Variants in NNT observed in about 807,000 individuals in gnomAD.
NNT encodes nicotinamide nucleotide transhydrogenase, also known as NAD(P) transhydrogenase, mitochondrial.
NNT carries 50 observed loss-of-function variants against 104.8 expected under a neutral mutation model. That is an observed-to-expected ratio of 0.48 (90% CI 0.38 to 0.60). The LOEUF (loss-of-function observed/expected upper bound fraction) is 0.60, where lower values mean the gene tolerates loss of function less well. Among genes scored for constraint, NNT ranks in the 20% least tolerant of loss-of-function variants. The pLI is 0.00. For missense variants in NNT, 1,131 were observed against 1,330.7 expected (o/e 0.85, Z 2.33); for synonymous variants, 461 against 490.4 (o/e 0.94, Z 0.79).
intron 5 of NNT, among the ~76,000 whole-genome samples, chr5:43,622,140 T>C (rs190080841): frequency 1.6e-4 from 25 of 152,340 alleles, no homozygotes; most frequent in Admixed American, 1.6e-3. Context: ...CCTGGGACGA[T>C]GGCGGCACCA....
chr5:43,638,717 A>G (rs1751068256), intron 7 of NNT, among the ~76,000 whole-genome samples: 1 of 149,162 alleles, frequency 6.7e-6, no homozygotes, highest in African/African-American at 2.5e-5. Context: ...TCAGGAAGTT[A>G]GGAATTTCCC....
intron 19 of NNT, among the ~76,000 whole-genome samples, chr5:43,685,803 G>A (rs777351157): frequency 2.0e-5 from 3 of 152,066 alleles, no homozygotes; most frequent in Non-Finnish European, 2.9e-5. Flanking sequence ...ACTCTGGTAG[G>A]ACATATTGTC....
chr5:43,650,689 T>TACGG (rs1270368797), intron 12 of NNT, 102 bp downstream of exon 12: 79 of 817,470 alleles, frequency 9.7e-5, no homozygotes, highest in Non-Finnish European at 1.5e-4. Flanking sequence ...CAAAAAATGT[T>TACGG]TCACTCTGAC....
chr5:43,671,457 G>A (rs1187089354), intron 17 of NNT, among the ~76,000 whole-genome samples: 1 of 152,142 alleles, frequency 6.6e-6, no homozygotes, highest in East Asian at 1.9e-4. Flanking sequence ...CTTCCTTCAG[G>A]AGCTCTTGTA....
chr5:43,678,841 GCA>G (rs1033796657), intron 19 of NNT, among the ~76,000 whole-genome samples: 4 of 152,104 alleles, frequency 2.6e-5, no homozygotes, highest in African/African-American at 9.7e-5. Flanking sequence ...ATTAGTGTCG[GCA>G]GTTAATTGTA....
intron 10 of NNT, among the ~76,000 whole-genome samples, chr5:43,647,353 A>G (rs1739502022): frequency 6.6e-6 from 1 of 152,220 alleles, no homozygotes; most frequent in Non-Finnish European, 1.5e-5. Context: ...TTTCAGATTC[A>G]TAAGGAAATG....
intron 17 of NNT, among the ~76,000 whole-genome samples, chr5:43,667,536 C>T (rs956063918): frequency 1.4e-4 from 22 of 151,938 alleles, no homozygotes; most frequent in African/African-American, 2.4e-4. Flanking sequence ...TTTGTTCTTG[C>T]GATAGTTTGC....
chr5:43,675,232 TATTG>T (rs1170881260), intron 17 of NNT, among the ~76,000 whole-genome samples: 1 of 152,216 alleles, frequency 6.6e-6, no homozygotes, highest in Admixed American at 6.5e-5. Flanking sequence ...TTATTAATTT[TATTG>T]ATAATTTTTT....
intron 15 of NNT, among the ~76,000 whole-genome samples, 187 bp downstream of exon 15, chr5:43,656,260 C>T (rs1484892494): frequency 1.3e-5 from 2 of 151,942 alleles, no homozygotes; most frequent in South Asian, 2.1e-4. Flanking sequence ...GGCAACATAG[C>T]GAGACCCTAT....
At position 43,687,509 on chromosome 5, in the gene NNT, C is replaced by T. The variant is rs148615819; in HGVS notation, c.2876+9703C>T. On this transcript the variant is annotated intron_variant, in intron 19 of 21. Coordinates refer to ENST00000344920, the MANE Select transcript of NNT (RefSeq NM_182977.3). ...ACATACTTTGGGGATTAGCCTGTTA[C>T]ATTGTGCCAGAATTTTTTATAAACT... 1.4e-3 allele frequency among the ~76,000 whole-genome samples: 208 copies of T among 152,262 alleles called. 2 individuals carry two copies. Among genetic ancestry groups the T allele is most frequent in the African/African-American group, 4.8e-3 (201 of 41,566 alleles).
Position 43,704,180 on chromosome 5 carries a change from A to G in NNT, c.3112-75A>G, listed in dbSNP as rs1013014265. On this transcript the variant is annotated intron_variant, in intron 21 of 21. Transcript: ENST00000344920. ...CATGCCTTGTTCAAAGGTAGTGAAG[A>G]GCAATGTTTGTTTGCCTAACATGTC... is the stretch of plus-strand genomic sequence containing the variant. 9 of 1,339,516 alleles carry G rather than the reference A, an allele frequency of 6.7e-6. No individual in the cohort carries two copies. In the Middle Eastern group the frequency reaches 5.8e-4, roughly 86 times the overall value. 83.0% of individuals were successfully genotyped at this position (1,339,516 alleles called of 1,614,324 possible). A position where few individuals can be genotyped will look rare whatever the true frequency, so the allele number is the denominator to read the frequency against.
chr5:43,669,330 G>C (rs1192494795), intron 17 of NNT, among the ~76,000 whole-genome samples: 5 of 152,136 alleles, frequency 3.3e-5, no homozygotes, highest in Admixed American at 6.5e-5. Context: ...GAATAGGAGT[G>C]GTGAGAGAGG....
At position 43,655,953 on chromosome 5, in the gene NNT, G is replaced by C; in HGVS notation, c.2173G>C (p.Glu725Gln). 6.2e-7 allele frequency: 1 copy of C among 1,614,174 alleles called. No homozygotes were observed. The highest frequency in any genetic ancestry group is 2.2e-5 in the East Asian group (1 of 44,884). ...TACTTGCATAGCTGAGTACATTATA[G>C]AATATCCACATTTTGCTACGGATGC... The part of the protein sequence containing the change: ...VLTCIAEYII[E>Q]YPHFATDAAA... The change falls in exon 15 of 22, where the codon GAA becomes CAA. Residue 725 changes from glutamate to glutamine, a missense_variant. Coordinates refer to ENST00000344920, the MANE Select transcript of NNT (RefSeq NM_182977.3).
intron 19 of NNT, among the ~76,000 whole-genome samples, chr5:43,689,074 T>A (rs886639172): frequency 6.6e-6 from 1 of 152,264 alleles, no homozygotes; most frequent in African/African-American, 2.4e-5. Flanking sequence ...TTGATTATGT[T>A]CATTCTTGCA....
Position 43,704,469 on chromosome 5 carries a change from G to A in NNT, c.*65G>A. On this transcript the variant is annotated 3_prime_UTR_variant, in exon 22 of 22. Transcript: ENST00000344920. ...GCAGTTTTGGGAACAGGCAAATAAA[G>A]TATCAGTATACATGGTGATGTACAT... 6.5e-7 allele frequency: 1 copy of A among 1,533,746 alleles called. No homozygotes were observed. Among genetic ancestry groups the A allele is most frequent in the Admixed American group, 1.7e-5 (1 of 58,742 alleles).
chr5:43,653,072 A>G lies in NNT; in HGVS notation c.1918A>G (p.Thr640Ala). 1 of 1,614,018 alleles carries G rather than the reference A, an allele frequency of 6.2e-7. No homozygotes were observed. The highest frequency in any genetic ancestry group is 8.5e-7 in the Non-Finnish European group (1 of 1,180,008). The change falls in exon 14 of 22, where the codon ACC becomes GCC. Residue 640 changes from threonine to alanine, a missense_variant. Coordinates refer to ENST00000344920, the MANE Select transcript of NNT (RefSeq NM_182977.3). ...CCVGALAGLSTQGTARLGNAL... is the reference protein window; with the variant it reads ...CCVGALAGLSAQGTARLGNAL... Reference sequence around the variant, plus strand: ...TGTCGGTGCCTTGGCTGGCCTCTCCACCCAGGGAACAGCACGTCTTGGCAA... The same window carrying G: ...TGTCGGTGCCTTGGCTGGCCTCTCCGCCCAGGGAACAGCACGTCTTGGCAA...
At chr5:43,662,893 CA>C (rs34800286) in intron 17 of NNT, among the ~76,000 whole-genome samples, 4,639 of 79,550 alleles carry the variant, frequency 0.058, 137 homozygotes, top group African/African-American at 0.16. Flanking sequence ...GACCCTGTCT[CA>C]AAAAAAAAAA....
chr5:43,694,636 G>C (rs1036993269), intron 19 of NNT, among the ~76,000 whole-genome samples: 1 of 152,088 alleles, frequency 6.6e-6, no homozygotes, highest in Non-Finnish European at 1.5e-5. Context: ...AAGCCTACTT[G>C]ATTGTGGTGT....
chr5:43,697,580 C>T (rs372875151), intron 19 of NNT, among the ~76,000 whole-genome samples: 20 of 152,156 alleles, frequency 1.3e-4, no homozygotes, highest in East Asian at 1.2e-3. Flanking sequence ...AGTCCATTTT[C>T]ATGCTGCTGA....
Sources: gnomAD v4.1 joint callset for allele counts (sites outside exome capture counted in the v4.1 genomes callset) on GRCh38, gnomAD v4.1.1 for gene constraint, MANE v1.5 for transcripts, NCBI Gene and HGNC (gene_info 2026-07-23, HGNC 2026-07-21) for gene names.